The following KIT variants were observed in gnomAD, a reference collection of about 807,000 sequenced individuals.
The protein encoded by KIT is mast/stem cell growth factor receptor Kit.
A neutral mutation model predicts 105.7 loss-of-function variants in KIT; 16 were observed. That is an observed-to-expected ratio of 0.15 (90% CI 0.10 to 0.23). The LOEUF (loss-of-function observed/expected upper bound fraction) is 0.23, where lower values mean the gene tolerates loss of function less well. Ranked by LOEUF, KIT falls within the 10% of genes least tolerant of loss-of-function variation. The probability of loss-of-function intolerance (pLI) is 1.00; values close to 1 mark genes in which losing one functional copy is unlikely to be tolerated. For synonymous variants in KIT, 438 were observed against 441.1 expected (o/e 0.99, Z 0.09); for missense variants, 858 against 1,213.8 (o/e 0.71, Z 4.36).
chr4:54,666,598 ATTCT>A (rs1717715020), intron 1 of KIT, among the ~76,000 whole-genome samples: 1 of 151,798 alleles, frequency 6.6e-6, no homozygotes, highest in East Asian at 1.9e-4. Context: ...TTAAGGGAAA[ATTCT>A]TTCATTAGAA....
chr4:54,703,700 T>C, intron 4 of KIT, 24 bp from the exon 5 acceptor site: 6 of 1,600,356 alleles, frequency 3.7e-6, no homozygotes, highest in Non-Finnish European at 5.1e-6. Flanking sequence ...TTCATTTTTT[T>C]TTCTCCTTTT....
intron 1 of KIT, among the ~76,000 whole-genome samples, chr4:54,692,133 A>C (rs1172475793): frequency 2.0e-5 from 3 of 152,222 alleles, no homozygotes; most frequent in African/African-American, 7.2e-5. Flanking sequence ...TGAGAAACTG[A>C]GGGCAGAGTT....
chr4:54,716,604 A>G (rs977871293), intron 7 of KIT, among the ~76,000 whole-genome samples: 9 of 152,172 alleles, frequency 5.9e-5, no homozygotes, highest in African/African-American at 1.9e-4. Context: ...ATATCTTTCT[A>G]TAACATCATT....
chr4:54,726,007 G>A lies in KIT; in HGVS notation c.1497G>A (p.Lys499=), dbSNP rs374432699. Residue 499 remains lysine, a synonymous_variant, in exon 9 of 21, where the codon AAG becomes AAA. Coordinates refer to ENST00000288135, the MANE Select transcript of KIT (RefSeq NM_000222.3). ...GTAAGGCTTACAACGATGTGGGCAA[G>A]ACTTCTGCCTATTTTAACTTTGCAT... ...VECKAYNDVG[K]TSAYFNFAFK... is the part of the protein sequence containing the mutation. The A allele has an allele frequency of 2.2e-5, 36 of 1,614,064 alleles. No homozygotes were observed. The highest frequency in any genetic ancestry group is 3.1e-5 in the Non-Finnish European group (36 of 1,180,024).
At chr4:54,684,621 C>T (rs1222619400) in intron 1 of KIT, among the ~76,000 whole-genome samples, 1 of 152,152 alleles carries the variant, frequency 6.6e-6, no homozygotes, top group African/African-American at 2.4e-5. Flanking sequence ...TCACTGACTC[C>T]GAGGGTCCTC....
intron 7 of KIT, among the ~76,000 whole-genome samples, chr4:54,716,432 G>A (rs1220878150): frequency 6.6e-6 from 1 of 151,810 alleles, no homozygotes; most frequent in African/African-American, 2.4e-5. Flanking sequence ...TAAAAATCAA[G>A]TTTTATTTTT....
chr4:54,737,655 A>G (rs908441424), intron 20 of KIT, among the ~76,000 whole-genome samples: 1 of 152,212 alleles, frequency 6.6e-6, no homozygotes, highest in Non-Finnish European at 1.5e-5. Flanking sequence ...GATGTGAACT[A>G]GAATAAAAGC....
At chr4:54,713,879 T>TCAAG (rs1721307493) in intron 7 of KIT, among the ~76,000 whole-genome samples, 3 of 152,184 alleles carry the variant, frequency 2.0e-5, no homozygotes, top group Non-Finnish European at 2.9e-5. Context: ...ACCTCTCTAA[T>TCAAG]CAAGCCATGA....
chr4:54,684,172 TGGGTG>T (rs149224408), intron 1 of KIT, among the ~76,000 whole-genome samples: 24,748 of 140,950 alleles, frequency 0.18, 3,912 homozygotes, highest in African/African-American at 0.43. Context: ...CAGAGGTGTG[TGGGTG>T]GGGTGGGGTG....
At position 54,666,310 on chromosome 4, in the gene KIT, T is replaced by C. The variant is rs192066844; in HGVS notation, c.67+8229T>C. 4.6e-5 allele frequency among the ~76,000 whole-genome samples: 7 copies of C among 152,302 alleles called. No individual in the cohort carries two copies. The East Asian group carries it at 1.2e-3, about 25-fold the overall frequency. Reference sequence around the variant, plus strand: ...TTTTGTTTTGTTTTGAGACAGAGTCTCACTCTGTCGCCAGGCTGGAGTGCA... The same window carrying C: ...TTTTGTTTTGTTTTGAGACAGAGTCCCACTCTGTCGCCAGGCTGGAGTGCA... On this transcript the variant is annotated intron_variant, in intron 1 of 20. Transcript: ENST00000288135.
At chr4:54,722,845 A>T (rs1367388689) in intron 7 of KIT, among the ~76,000 whole-genome samples, 1 of 111,616 alleles carries the variant, frequency 9.0e-6, no homozygotes, top group East Asian at 2.2e-4. Flanking sequence ...ATATATATTT[A>T]TATATATTTT....
At chr4:54,709,391 A>G (rs757177510) in intron 6 of KIT, 33 bp from the exon 7 acceptor site, 1 of 1,329,160 alleles carries the variant, frequency 7.5e-7, no homozygotes, top group African/African-American at 1.4e-5. Context: ...CATGCTATCC[A>G]CAGGTGATTG....
rs775274159 is a variant in KIT, at chr4:54,729,482, C to T, written c.2138C>T (p.Ser713Phe). 4 of 1,612,950 alleles carry T rather than the reference C, an allele frequency of 2.5e-6. No homozygotes were observed. In the East Asian group the frequency reaches 6.7e-5, roughly 27 times the overall value. The stretch of plus-strand genomic sequence containing the variant: ...AATCTTCTGCATTCAAAGGAGTCTT[C>T]CTGGTAAGACTGATTTACATAAATA... ...YKNLLHSKES[S>F]CSDSTNEYMD... Residue 713 changes from serine to phenylalanine, a missense_variant, in exon 14 of 21, where the codon TCC (serine) becomes TTC (phenylalanine). Transcript: ENST00000288135.
At chr4:54,682,329 C>T (rs1718996568) in intron 1 of KIT, among the ~76,000 whole-genome samples, 1 of 152,102 alleles carries the variant, frequency 6.6e-6, no homozygotes, top group South Asian at 2.1e-4. Context: ...GGTAAGCAAT[C>T]CTCCCGCCTT....
chr4:54,727,786 A>T (rs757013204), intron 11 of KIT, 37 bp from the exon 12 acceptor site: 1 of 1,523,136 alleles, frequency 6.6e-7, no homozygotes, highest in Non-Finnish European at 9.1e-7. Flanking sequence ...CACCACCAGC[A>T]CCATCACCAC....
rs1290569046 is a variant in KIT at position 54,709,411 on chromosome 4, C to A, written c.1116-13C>A. Reference sequence around the variant, plus strand: ...TATCCACAGGTGATTGACTAGTTGTCTTTTCTTTGTAGATACGTAAGTGAA... The same window carrying A: ...TATCCACAGGTGATTGACTAGTTGTATTTTCTTTGTAGATACGTAAGTGAA... On this transcript the variant is annotated splice_polypyrimidine_tract_variant and intron_variant, in intron 6 of 20. Transcript: ENST00000288135. The A allele has an allele frequency of 3.2e-6, 5 of 1,543,160 alleles. No individual in the cohort carries two copies. Among genetic ancestry groups the A allele is most frequent in the Non-Finnish European group, 4.5e-6 (5 of 1,115,446 alleles).
chr4:54,716,342 T>C (rs1353340413), intron 7 of KIT, among the ~76,000 whole-genome samples: 2 of 152,234 alleles, frequency 1.3e-5, no homozygotes, highest in Non-Finnish European at 2.9e-5. Context: ...GCTGCATGTT[T>C]TTAAATTAAA....
chr4:54,673,658 C>T (rs898251374), intron 1 of KIT, among the ~76,000 whole-genome samples: 7 of 152,144 alleles, frequency 4.6e-5, no homozygotes, highest in African/African-American at 9.7e-5. Flanking sequence ...ATTGTTTACA[C>T]GATGGATGTC....
At chr4:54,703,025 C>T (rs1413541459) in intron 4 of KIT, among the ~76,000 whole-genome samples, 1 of 152,032 alleles carries the variant, frequency 6.6e-6, no homozygotes, top group African/African-American at 2.4e-5. Context: ...TTATGGTTTC[C>T]CCATGACTTT....
Sources: allele counts gnomAD v4.1 joint callset (sites outside exome capture counted in the v4.1 genomes callset), GRCh38; gene constraint gnomAD v4.1.1; transcripts MANE v1.5; gene names NCBI Gene and HGNC (gene_info 2026-07-23, HGNC 2026-07-21).